The following FOXP1 variants were observed in gnomAD, a reference collection of about 807,000 sequenced individuals.
FOXP1 encodes the protein forkhead box P1, also known as forkhead box protein P1.
Under a neutral mutation model 98.2 loss-of-function variants are expected in FOXP1, and 15 were observed. That is an observed-to-expected ratio of 0.15 (90% CI 0.10 to 0.24). FOXP1 has a LOEUF of 0.24. Ranked by LOEUF, FOXP1 falls within the 10% of genes least tolerant of loss-of-function variation. FOXP1 has a pLI of 1.00. For synonymous variants in FOXP1, 371 were observed against 314.5 expected, an observed-to-expected ratio of 1.18 and a Z score of -1.90; for missense variants, 633 against 848.5, an observed-to-expected ratio of 0.75 and a Z score of 3.15.
chr3:71,442,162 C>T (rs2085998382), intron 3 of FOXP1, among the ~76,000 whole-genome samples: 1 of 152,088 alleles, frequency 6.6e-6, no homozygotes. Flanking sequence ...TGGAGCTTGA[C>T]CATATATGTC....
chr3:71,348,556 C>CGT (rs1560349353), intron 4 of FOXP1, among the ~76,000 whole-genome samples: 67 of 127,294 alleles, frequency 5.3e-4, no homozygotes, highest in East Asian at 1.3e-3. Flanking sequence ...TGTGCGTGCG[C>CGT]GCGCGCACGC....
chr3:71,253,863 A>G (rs1371933200), intron 5 of FOXP1, among the ~76,000 whole-genome samples: 1 of 152,226 alleles, frequency 6.6e-6, no homozygotes, highest in Non-Finnish European at 1.5e-5. Flanking sequence ...AATGTTATAC[A>G]TGTAAGGATA....
At chr3:70,967,216 T>A (rs1254469654) in intron 19 of FOXP1, among the ~76,000 whole-genome samples, 4 of 152,188 alleles carry the variant, frequency 2.6e-5, no homozygotes, top group African/African-American at 9.7e-5. Flanking sequence ...AAATCCTGGC[T>A]CTAGAAAGAA....
intron 6 of FOXP1, among the ~76,000 whole-genome samples, chr3:71,171,098 C>CTT (rs11386859): frequency 1.5e-3 from 213 of 145,144 alleles, no homozygotes; most frequent in Non-Finnish European, 2.1e-3. Flanking sequence ...TACACACTCA[C>CTT]TTTTTTTTTT....
intron 3 of FOXP1, among the ~76,000 whole-genome samples, chr3:71,368,927 T>G (rs1305011262): frequency 6.6e-6 from 1 of 152,240 alleles, no homozygotes. Flanking sequence ...AAAATCTCTG[T>G]GTTAGTCACA....
chr3:71,082,629 T>TAA (rs11391736), intron 7 of FOXP1, among the ~76,000 whole-genome samples: 56 of 147,412 alleles, frequency 3.8e-4, no homozygotes, highest in Admixed American at 5.4e-4. Context: ...TATAATAAAA[T>TAA]AAAAAAAAAA....
chr3:71,507,240 A>G lies in FOXP1; in HGVS notation c.-297-13685T>C, dbSNP rs545822756. 7.9e-5 allele frequency among the ~76,000 whole-genome samples: 12 copies of G among 152,306 alleles called. No individual in the cohort carries two copies. In the South Asian group the frequency reaches 2.5e-3, roughly 32 times the overall value. On this transcript the variant is annotated intron_variant, in intron 2 of 20. Transcript: ENST00000649528. Reference sequence around the variant, plus strand: ...TCTCATGCACAGCCAGGGCCAGGGTAAACTGACACCGCCTTTCCAGTTGGG... The same window carrying G: ...TCTCATGCACAGCCAGGGCCAGGGTGAACTGACACCGCCTTTCCAGTTGGG...
intron 7 of FOXP1, among the ~76,000 whole-genome samples, chr3:71,090,066 A>C (rs1055231444): frequency 6.6e-6 from 1 of 152,210 alleles, no homozygotes; most frequent in African/African-American, 2.4e-5. Context: ...GAAAGCCTTC[A>C]AAAAGTTCGA....
intron 2 of FOXP1, among the ~76,000 whole-genome samples, chr3:71,507,403 T>C (rs1400088942): frequency 2.0e-5 from 3 of 151,972 alleles, no homozygotes; most frequent in Non-Finnish European, 4.4e-5. Context: ...CAGCATTATC[T>C]AGTATATGAA....
At chr3:70,997,794 G>A (rs947434360) in intron 13 of FOXP1, among the ~76,000 whole-genome samples, 1 of 152,196 alleles carries the variant, frequency 6.6e-6, no homozygotes, top group Non-Finnish European at 1.5e-5. Context: ...ATTGTACTCT[G>A]CAGTAGCTCC....
Position 70,977,901 on chromosome 3 carries a change from T to G in FOXP1, c.1275A>C (p.Thr425=). Residue 425 remains threonine (T), a synonymous_variant, in exon 15 of 21, where the codon ACA becomes ACC. Transcript: ENST00000649528. ...TPVTQGPSVI[T]TTSMHTVGPI... ...GTCCCACCGTGTGCATGCTGGTGGT[T>G]GTGATGACAGAGGGGCCTTGGGTGA... 2 of 1,614,054 alleles carry G rather than the reference T, an allele frequency of 1.2e-6. No individual in the cohort carries two copies. Among genetic ancestry groups the G allele is most frequent in the Non-Finnish European group, 1.7e-6 (2 of 1,180,008 alleles).
chr3:70,979,676 G>A (rs947011750), intron 14 of FOXP1, among the ~76,000 whole-genome samples: 8 of 151,896 alleles, frequency 5.3e-5, no homozygotes, highest in Admixed American at 1.3e-4. Flanking sequence ...AGTATTTGTG[G>A]AAGGTATTAA....
At position 71,167,921 on chromosome 3, in the gene FOXP1, T is replaced by C. The variant is rs145735178; in HGVS notation, c.180+30281A>G. ...CACTCCTGCAATATGTTCCTTAACA[T>C]TGCAAATGCTGAGAATGATTTCAGA... On this transcript the variant is annotated intron_variant, in intron 6 of 20. Coordinates refer to ENST00000649528, the MANE Select transcript of FOXP1 (RefSeq NM_001349338.3). Among the ~76,000 whole-genome samples, 325 of 152,342 alleles carry C rather than the reference T, an allele frequency of 2.1e-3. 3 individuals carry two copies. Among genetic ancestry groups the C allele is most frequent in the African/African-American group, 7.0e-3 (289 of 41,578 alleles).
chr3:71,511,417 C>T (rs546972484), intron 2 of FOXP1, among the ~76,000 whole-genome samples: 1 of 152,050 alleles, frequency 6.6e-6, no homozygotes, highest in African/African-American at 2.4e-5. Flanking sequence ...TCCATTGGGG[C>T]ATTCCATGTG....
At chr3:71,154,097 T>TTC (rs67751188) in intron 6 of FOXP1, among the ~76,000 whole-genome samples, 6 of 61,220 alleles carry the variant, frequency 9.8e-5, no homozygotes, top group East Asian at 4.1e-3. Flanking sequence ...CTTCTTCTTC[T>TTC]TTTTTTTTGC....
intron 6 of FOXP1, among the ~76,000 whole-genome samples, chr3:71,173,415 ACACAC>A (rs1175530543): frequency 1.3e-5 from 2 of 151,044 alleles, no homozygotes; most frequent in Non-Finnish European, 2.9e-5. Context: ...ACACACACAC[ACACAC>A]ACTTTTTGCC....
intron 3 of FOXP1, among the ~76,000 whole-genome samples, chr3:71,397,265 C>G (rs528732734): frequency 2.0e-5 from 3 of 151,240 alleles, no homozygotes; most frequent in African/African-American, 7.3e-5. Flanking sequence ...AAAACCCATT[C>G]GGAAGGAACG....
chr3:71,220,419 A>C (rs2065270634), intron 5 of FOXP1, among the ~76,000 whole-genome samples: 4 of 152,206 alleles, frequency 2.6e-5, no homozygotes, highest in Admixed American at 2.6e-4. Flanking sequence ...GGGAGGCATC[A>C]ACACAGAGGT....
At chr3:71,282,339 G>C (rs975806523) in intron 5 of FOXP1, among the ~76,000 whole-genome samples, 4 of 151,334 alleles carry the variant, frequency 2.6e-5, no homozygotes, top group African/African-American at 9.7e-5. Context: ...TTCCTATTAG[G>C]CTCTCCTTAA....
Sources: allele counts gnomAD v4.1 joint callset (sites outside exome capture counted in the v4.1 genomes callset), GRCh38; gene constraint gnomAD v4.1.1; transcripts MANE v1.5; gene names NCBI Gene and HGNC (gene_info 2026-07-23, HGNC 2026-07-21).